Variants in USP50 observed in about 807,000 individuals in gnomAD.
USP50 encodes ubiquitin carboxyl-terminal hydrolase 50.
Under a neutral mutation model 39.2 loss-of-function variants are expected in USP50, and 37 were observed. The ratio of observed to expected loss-of-function variants is 0.94; its 90% CI spans 0.73 to 1.24. The LOEUF (loss-of-function observed/expected upper bound fraction) is 1.24, where lower values mean the gene tolerates loss of function less well. USP50 is among the 50% of genes most tolerant of loss of function. The pLI, the probability that USP50 is intolerant of heterozygous loss-of-function variation, is 0.00. For missense variants in USP50, 374 were observed against 398.2 expected, an observed-to-expected ratio of 0.94 and a Z score of 0.52; for synonymous variants, 139 against 144.5, an observed-to-expected ratio of 0.96 and a Z score of 0.27.
intron 6 of USP50, chr15:50,503,863 A>G (rs2052623086): frequency 6.6e-6 from 1 of 152,260 alleles, no homozygotes; most frequent in South Asian, 2.1e-4. Context: ...GAAACAATTT[A>G]TCATAAGAGT....
chr15:50,525,056 TAAAG>T (rs949935819), intron 6 of USP50, among the ~76,000 whole-genome samples: 2 of 152,086 alleles, frequency 1.3e-5, no homozygotes, highest in African/African-American at 4.8e-5. Flanking sequence ...GATAAATGAA[TAAAG>T]AAAACATGAT....
At chr15:50,538,273 CAAAAAAAAAAAAAAAA>C (rs766139797) in intron 5 of USP50, among the ~76,000 whole-genome samples, 1 of 17,316 alleles carries the variant, frequency 5.8e-5, no homozygotes, top group Admixed American at 9.6e-4. Flanking sequence ...GAGACTGTCT[CAAAAAAAAAAAAAAAA>C]AAAAAAAAAA....
At chr15:50,513,497 C>T (rs1248093724) in intron 6 of USP50, 3 of 128,462 alleles carry the variant, frequency 2.3e-5, no homozygotes, top group Admixed American at 1.8e-4. Flanking sequence ...GTCATGAGTT[C>T]GAGACAAGAG....
At chr15:50,528,054 A>G (rs907744362) in intron 6 of USP50, among the ~76,000 whole-genome samples, 3 of 134,236 alleles carry the variant, frequency 2.2e-5, no homozygotes, top group African/African-American at 8.3e-5. Flanking sequence ...TTTGATTACT[A>G]AAAGAACTAA....
At chr15:50,498,912 G>A (rs960428350), downstream of USP50, 1 of 1,606,380 alleles carries the variant, frequency 6.2e-7, no homozygotes, top group Non-Finnish European at 8.5e-7. Flanking sequence ...GAATCACTAC[G>A]GTGGGCTGGA....
intron 6 of USP50, among the ~76,000 whole-genome samples, chr15:50,528,711 C>A (rs2052917682): frequency 6.6e-6 from 1 of 152,136 alleles, no homozygotes; most frequent in African/African-American, 2.4e-5. Context: ...AGTGAAAACA[C>A]AAAATACAGA....
At chr15:50,502,085 G>A (rs1012625627) in intron 6 of USP50, 1 of 152,094 alleles carries the variant, frequency 6.6e-6, no homozygotes, top group Admixed American at 6.6e-5. Flanking sequence ...CTGCTGTAGA[G>A]GAAGAAAATT....
intron 6 of USP50, among the ~76,000 whole-genome samples, chr15:50,527,371 AT>A (rs549428010): frequency 2.7e-5 from 4 of 149,948 alleles, no homozygotes; most frequent in Admixed American, 2.0e-4. Context: ...CGCCTGGCTA[AT>A]TTTTTTTTGT....
At chr15:50,539,720 C>A (rs530637988) in intron 4 of USP50, among the ~76,000 whole-genome samples, 1 of 152,302 alleles carries the variant, frequency 6.6e-6, no homozygotes, top group East Asian at 1.9e-4. Flanking sequence ...AGCTACTTTG[C>A]AGTTTTCAGC....
chr15:50,515,874 A>G (rs2052799507), intron 6 of USP50, among the ~76,000 whole-genome samples: 3 of 152,188 alleles, frequency 2.0e-5, no homozygotes. Context: ...AAAATATTTG[A>G]TATAACCTAA....
intron 5 of USP50, chr15:50,532,298 G>A (rs1279390776): frequency 4.5e-6 from 2 of 446,964 alleles, no homozygotes; most frequent in African/African-American, 4.0e-5. Flanking sequence ...CCTGCCCACA[G>A]GAGAAACTCA....
downstream of USP50, chr15:50,493,032 T>G: frequency 9.4e-7 from 1 of 1,058,450 alleles, no homozygotes; most frequent in South Asian, 1.3e-5. Context: ...AGATAATTTG[T>G]AAAGAACAAA....
At chr15:50,532,919 A>G (rs537390679) in intron 5 of USP50, among the ~76,000 whole-genome samples, 2 of 152,274 alleles carry the variant, frequency 1.3e-5, no homozygotes, top group South Asian at 4.1e-4. Flanking sequence ...AATGCCTCTG[A>G]TGGGCTCATT....
intron 1 of USP50, among the ~76,000 whole-genome samples, chr15:50,545,173 A>G (rs1454891343): frequency 1.3e-5 from 2 of 152,216 alleles, no homozygotes; most frequent in African/African-American, 2.4e-5. Context: ...ATTTCCTTCT[A>G]AAACTAAAGC....
At chr15:50,525,362 A>C (rs1249390940) in intron 6 of USP50, among the ~76,000 whole-genome samples, 2 of 151,952 alleles carry the variant, frequency 1.3e-5, no homozygotes, top group African/African-American at 4.8e-5. Flanking sequence ...CGTAAATAAA[A>C]GGTATTGTGT....
intron 5 of USP50, among the ~76,000 whole-genome samples, chr15:50,537,913 GGGAAGGGA>G (rs2052994073): frequency 5.3e-5 from 3 of 56,514 alleles, no homozygotes; most frequent in Non-Finnish European, 1.3e-4. Context: ...GGGGAGGGAA[GGGAAGGGA>G]AGGGAAGGGA....
downstream of USP50, chr15:50,499,717 A>AATT (rs951781314): frequency 2.6e-5 from 4 of 152,256 alleles, no homozygotes; most frequent in African/African-American, 9.6e-5. Flanking sequence ...TGGAAACTTT[A>AATT]ATTTTTTTAA....
downstream of USP50, chr15:50,497,037 A>G (rs2052442394): frequency 6.4e-7 from 1 of 1,555,062 alleles, no homozygotes; most frequent in Admixed American, 2.0e-5. Context: ...GCTCTCTGAC[A>G]TTATTGAAGA....
chr15:50,509,556 G>A (rs2052711978), intron 6 of USP50: 1 of 152,134 alleles, frequency 6.6e-6, no homozygotes, highest in Admixed American at 6.6e-5. Flanking sequence ...GCTGAGACAG[G>A]AGAATGACTT....
Sources: gnomAD v4.1 joint callset for allele counts (sites outside exome capture counted in the v4.1 genomes callset) on GRCh38, gnomAD v4.1.1 for gene constraint, MANE v1.5 for transcripts, NCBI Gene and HGNC (gene_info 2026-07-23, HGNC 2026-07-21) for gene names.